Variants in CDKL3 observed in about 807,000 individuals in gnomAD.
The protein encoded by CDKL3 is cyclin-dependent kinase-like 3.
A neutral mutation model predicts 69.3 loss-of-function variants in CDKL3; 65 were observed. That is an observed-to-expected ratio of 0.94 (90% CI 0.77 to 1.15). CDKL3 has a LOEUF of 1.15. Ranked by LOEUF, CDKL3 falls within the 50% of genes most tolerant of loss-of-function variation. The probability of loss-of-function intolerance (pLI) is 0.00; values close to 1 mark genes in which losing one functional copy is unlikely to be tolerated. For missense variants in CDKL3, 652 were observed against 689.2 expected, an observed-to-expected ratio of 0.95 and a Z score of 0.61; for synonymous variants, 202 against 221.6, an observed-to-expected ratio of 0.91 and a Z score of 0.79.
intron 4 of CDKL3, among the ~76,000 whole-genome samples, chr5:134,348,031 T>C (rs976323273): frequency 1.3e-5 from 2 of 152,166 alleles, no homozygotes; most frequent in Admixed American, 1.3e-4. Context: ...ATATGAATCA[T>C]ATCTCAAAAA....
chr5:134,316,725 C>A (rs549109710), intron 6 of CDKL3, among the ~76,000 whole-genome samples: 1 of 152,052 alleles, frequency 6.6e-6, no homozygotes, highest in Non-Finnish European at 1.5e-5. Context: ...TGAAATACTA[C>A]GCAATCACTG....
chr5:134,308,938 C>G (rs894277028), intron 7 of CDKL3, among the ~76,000 whole-genome samples: 4 of 152,154 alleles, frequency 2.6e-5, no homozygotes, highest in Admixed American at 6.6e-5. Context: ...GCTATGGGAA[C>G]CTACTATATA....
At chr5:134,307,589 G>A (rs1055917512) in intron 9 of CDKL3, among the ~76,000 whole-genome samples, 2 of 152,168 alleles carry the variant, frequency 1.3e-5, no homozygotes, top group Non-Finnish European at 2.9e-5. Context: ...TTACTGCCTT[G>A]TTGGACAAAC....
At chr5:134,354,440 T>A (rs917961091) in intron 3 of CDKL3, among the ~76,000 whole-genome samples, 1 of 152,202 alleles carries the variant, frequency 6.6e-6, no homozygotes, top group Non-Finnish European at 1.5e-5. Flanking sequence ...TGAGACTGGC[T>A]CTTGTTTTGA....
chr5:134,323,149 A>T (rs1464131901), intron 4 of CDKL3, among the ~76,000 whole-genome samples: 1 of 152,216 alleles, frequency 6.6e-6, no homozygotes, highest in Admixed American at 6.5e-5. Flanking sequence ...TATTGTCAAG[A>T]TGTCAGTTCT....
chr5:134,362,126 C>T lies in CDKL3; in HGVS notation c.166-2035G>A, dbSNP rs115838705. 3.6e-3 allele frequency among the ~76,000 whole-genome samples: 549 copies of T among 152,326 alleles called. 2 individuals are homozygous for T. The highest frequency in any genetic ancestry group is 0.013 in the African/African-American group (526 of 41,570). On this transcript the variant is annotated intron_variant, in intron 2 of 12. Coordinates refer to ENST00000265334, the MANE Select transcript of CDKL3 (RefSeq NM_001113575.2). ...TCCCTAGAAATGCTCTAGTACCCCT[C>T]TTCAAGTTGTTTAATTTTTTCTCCA...
chr5:134,312,433 G>T, intron 6 of CDKL3, 53 bp from the exon 7 acceptor site: 1 of 910,474 alleles, frequency 1.1e-6, no homozygotes, highest in Non-Finnish European at 1.7e-6. Flanking sequence ...GCTCCATATG[G>T]TAAAAATTAA....
intron 9 of CDKL3, 48 bp from the exon 10 acceptor site, chr5:134,306,750 CTTTTTTTT>C (rs11414446): frequency 1.7e-3 from 396 of 227,636 alleles, no homozygotes; most frequent in Admixed American, 4.1e-3. Context: ...CCCAGAAATG[CTTTTTTTT>C]TTTTTTTTTT....
At chr5:134,327,385 C>G (rs1774662270) in intron 4 of CDKL3, among the ~76,000 whole-genome samples, 1 of 152,146 alleles carries the variant, frequency 6.6e-6, no homozygotes, top group South Asian at 2.1e-4. Context: ...AGAAAATTGC[C>G]ATGAATTCAA....
rs757825383 is a variant in CDKL3 at position 134,308,595 on chromosome 5, T to C, written c.1014A>G (p.Leu338=). The change falls in exon 8 of 13, where the codon CTA becomes CTG. Residue 338 remains leucine (L), a synonymous_variant. Transcript: ENST00000265334. ...ERKTVYTNTL[L]SSSVLGKEIE... ...TTACCTTTCCCAAAACTGAACTACTTAGCAGTGTATTGGTATAAACTGTTT... is the reference window on the plus strand; with the variant it reads ...TTACCTTTCCCAAAACTGAACTACTCAGCAGTGTATTGGTATAAACTGTTT... The C allele has an allele frequency of 3.1e-6, 5 of 1,595,910 alleles. No homozygotes were observed. The Admixed American group carries it at 9.2e-5, about 29-fold the overall frequency.
chr5:134,307,820 G>A (rs914617497), intron 9 of CDKL3, among the ~76,000 whole-genome samples: 1 of 152,006 alleles, frequency 6.6e-6, no homozygotes, highest in African/African-American at 2.4e-5. Context: ...TTATACCAAG[G>A]CACATTGATA....
At chr5:134,315,214 A>T (rs1770691670) in intron 6 of CDKL3, among the ~76,000 whole-genome samples, 1 of 148,538 alleles carries the variant, frequency 6.7e-6, no homozygotes, top group Admixed American at 6.8e-5. Flanking sequence ...ACTAGTTGTT[A>T]AAAAAAAAAG....
chr5:134,345,674 C>T (rs572597360), intron 4 of CDKL3, among the ~76,000 whole-genome samples: 1 of 152,238 alleles, frequency 6.6e-6, no homozygotes, highest in East Asian at 1.9e-4. Flanking sequence ...ACACAAGATG[C>T]TCAGTGGGGG....
upstream of CDKL3, among the ~76,000 whole-genome samples, chr5:134,369,625 C>T (rs1335226352): frequency 6.6e-6 from 1 of 152,018 alleles, no homozygotes; most frequent in African/African-American, 2.4e-5. Context: ...GGCAGGGTCT[C>T]AGTGGCATGA....
chr5:134,341,294 G>C (rs1479566495), intron 4 of CDKL3, among the ~76,000 whole-genome samples: 1 of 152,246 alleles, frequency 6.6e-6, no homozygotes. Context: ...GTCTGCTCTT[G>C]CCACTTCTGT....
rs374741296 is a variant in CDKL3 at position 134,316,883 on chromosome 5, C to T, written c.792+2475G>A. ...CTATGCATCTACTTGGTTGGGAAAA[C>T]TTTAGAAGTTTGTAAACCAAATTGA... is the stretch of plus-strand genomic sequence containing the variant. On this transcript the variant is annotated intron_variant, in intron 6 of 12. Coordinates refer to ENST00000265334, the MANE Select transcript of CDKL3 (RefSeq NM_001113575.2). Among the ~76,000 whole-genome samples, 55 of 152,090 alleles carry T rather than the reference C, an allele frequency of 3.6e-4. 1 individual carries two copies. The South Asian group carries it at 0.011, about 29-fold the overall frequency.
intron 4 of CDKL3, among the ~76,000 whole-genome samples, chr5:134,340,029 C>T (rs1014182933): frequency 3.3e-5 from 5 of 152,072 alleles, no homozygotes; most frequent in Non-Finnish European, 7.4e-5. Context: ...GGGCACACAC[C>T]TGTAGTCTCA....
intron 12 of CDKL3, chr5:134,299,580 G>T (rs551104265): frequency 1.9e-5 from 25 of 1,327,228 alleles, no homozygotes; most frequent in Non-Finnish European, 2.4e-5. Flanking sequence ...CAGGATTTAC[G>T]ATATACCTGT....
At chr5:134,347,431 T>C (rs1411681769) in intron 4 of CDKL3, among the ~76,000 whole-genome samples, 7 of 151,952 alleles carry the variant, frequency 4.6e-5, no homozygotes, top group Non-Finnish European at 5.9e-5. Flanking sequence ...CATATGTCCA[T>C]ACAAAAACAA....
Sources: allele counts gnomAD v4.1 joint callset (sites outside exome capture counted in the v4.1 genomes callset), GRCh38; gene constraint gnomAD v4.1.1; transcripts MANE v1.5; gene names NCBI Gene and HGNC (gene_info 2026-07-23, HGNC 2026-07-21).